The following MALRD1 variants were observed in gnomAD, a reference collection of about 807,000 sequenced individuals.
The protein encoded by MALRD1 is MAM and LDL-receptor class A domain-containing protein 1.
MALRD1 carries 247 observed loss-of-function variants against 242.1 expected under a neutral mutation model. That is an observed-to-expected ratio of 1.02 (90% CI 0.92 to 1.13). MALRD1 has a LOEUF of 1.13. Ranked by LOEUF, MALRD1 falls within the 50% of genes most tolerant of loss-of-function variation. The probability of loss-of-function intolerance (pLI) is 0.00; values close to 1 mark genes in which losing one functional copy is unlikely to be tolerated. For missense variants in MALRD1, 2,989 were observed against 2,533.1 expected (o/e 1.18, Z -3.86); for synonymous variants, 995 against 866.6 (o/e 1.15, Z -2.60).
chr10:19,351,822 T>C (rs1026570245), intron 25 of MALRD1, among the ~76,000 whole-genome samples, 184 bp from the exon 26 acceptor site: 3 of 152,162 alleles, frequency 2.0e-5, no homozygotes, highest in Non-Finnish European at 4.4e-5. Context: ...CATTGCAACA[T>C]ATGACTCAAG....
At chr10:19,406,724 A>C (rs187684908) in intron 28 of MALRD1, among the ~76,000 whole-genome samples, 1 of 152,280 alleles carries the variant, frequency 6.6e-6, no homozygotes, top group East Asian at 1.9e-4. Context: ...TAAATAAATA[A>C]ATAAATAACA....
chr10:19,503,918 A>G (rs1237817523), intron 31 of MALRD1, among the ~76,000 whole-genome samples: 1 of 152,220 alleles, frequency 6.6e-6, no homozygotes, highest in African/African-American at 2.4e-5. Context: ...AATTAACTAA[A>G]TGTTTGGTAA....
chr10:19,692,651 A>G, intron 38 of MALRD1, 97 bp downstream of exon 38: 1 of 912,146 alleles, frequency 1.1e-6, no homozygotes, highest in South Asian at 1.7e-5. Context: ...TCCATATTAC[A>G]TGCAGGAAAC....
chr10:19,553,698 C>G (rs1835592932), intron 32 of MALRD1, among the ~76,000 whole-genome samples: 1 of 152,032 alleles, frequency 6.6e-6, no homozygotes, highest in Non-Finnish European at 1.5e-5. Context: ...ATTATTCTCC[C>G]TGTAATAAAT....
intron 39 of MALRD1, among the ~76,000 whole-genome samples, chr10:19,731,216 C>G (rs1835282391): frequency 6.6e-6 from 1 of 152,138 alleles, no homozygotes; most frequent in Non-Finnish European, 1.5e-5. Flanking sequence ...GGGCCATTAC[C>G]TGATAACTTA....
chr10:19,499,515 G>C (rs939661065), intron 31 of MALRD1, among the ~76,000 whole-genome samples: 6 of 151,332 alleles, frequency 4.0e-5, no homozygotes, highest in African/African-American at 9.7e-5. Context: ...GATTTCATCT[G>C]CACCATGGGC....
At chr10:19,197,416 C>T (rs1182143947) in intron 14 of MALRD1, among the ~76,000 whole-genome samples, 1 of 152,154 alleles carries the variant, frequency 6.6e-6, no homozygotes, top group Non-Finnish European at 1.5e-5. Flanking sequence ...TAAAACATCC[C>T]AGTTGGTTCC....
intron 26 of MALRD1, among the ~76,000 whole-genome samples, chr10:19,355,125 G>A (rs990238014): frequency 6.6e-6 from 1 of 152,122 alleles, no homozygotes; most frequent in Non-Finnish European, 1.5e-5. Context: ...ATATGGTTGT[G>A]AGAGTGCTGT....
intron 28 of MALRD1, among the ~76,000 whole-genome samples, chr10:19,427,067 T>C (rs1564330082): frequency 6.6e-6 from 1 of 152,228 alleles, no homozygotes; most frequent in Non-Finnish European, 1.5e-5. Flanking sequence ...ATGAATTTTC[T>C]CTTAACCAGT....
At chr10:19,138,160 T>A (rs1833415285) in intron 10 of MALRD1, among the ~76,000 whole-genome samples, 1 of 21,350 alleles carries the variant, frequency 4.7e-5, no homozygotes, top group Non-Finnish European at 7.0e-5. Context: ...CAGTTAATAC[T>A]TCAGCTTTAA....
intron 4 of MALRD1, among the ~76,000 whole-genome samples, chr10:19,099,159 A>G (rs1233080636): frequency 1.3e-5 from 2 of 152,146 alleles, no homozygotes; most frequent in Non-Finnish European, 2.9e-5. Context: ...TATTGGCACA[A>G]CTGCCGGCAT....
intron 38 of MALRD1, among the ~76,000 whole-genome samples, chr10:19,723,549 T>A (rs1834872433): frequency 6.6e-6 from 1 of 152,040 alleles, no homozygotes; most frequent in Non-Finnish European, 1.5e-5. Flanking sequence ...AAGACCAGAC[T>A]GGACAATATA....
intron 28 of MALRD1, among the ~76,000 whole-genome samples, chr10:19,393,506 T>C (rs1472695462): frequency 7.1e-6 from 1 of 141,798 alleles, no homozygotes; most frequent in Admixed American, 7.6e-5. Flanking sequence ...AGTGCAGTGG[T>C]GTGATCTCGG....
At chr10:19,268,425 A>T (rs1294609671) in intron 19 of MALRD1, among the ~76,000 whole-genome samples, 3 of 152,168 alleles carry the variant, frequency 2.0e-5, no homozygotes, top group Admixed American at 6.5e-5. Flanking sequence ...GTATAACTCC[A>T]AGTTATTGTA....
intron 38 of MALRD1, among the ~76,000 whole-genome samples, chr10:19,713,479 C>T (rs185733151): frequency 5.3e-5 from 8 of 152,302 alleles, no homozygotes; most frequent in African/African-American, 1.9e-4. Flanking sequence ...CTTCAAGAGA[C>T]ATGAATGTAA....
At chr10:19,193,195 G>T (rs1440112366) in intron 14 of MALRD1, among the ~76,000 whole-genome samples, 8 of 152,174 alleles carry the variant, frequency 5.3e-5, no homozygotes, top group African/African-American at 7.2e-5. Context: ...CAATATAATT[G>T]TAAGAGGGAA....
intron 38 of MALRD1, among the ~76,000 whole-genome samples, chr10:19,695,061 G>A (rs888082020): frequency 2.0e-5 from 3 of 152,194 alleles, no homozygotes; most frequent in South Asian, 2.1e-4. Context: ...ATCACACACC[G>A]GGGCCTGTCA....
intron 2 of MALRD1, 102 bp from the exon 3 acceptor site, chr10:19,087,738 T>G: frequency 6.2e-6 from 3 of 485,668 alleles, no homozygotes; most frequent in Non-Finnish European, 6.6e-6. Flanking sequence ...GAATGTACAG[T>G]GAAATTATTA....
At chr10:19,165,835 A>T in intron 13 of MALRD1, 25 bp downstream of exon 13, 1 of 1,229,566 alleles carries the variant, frequency 8.1e-7, no homozygotes, top group South Asian at 4.1e-5. Context: ...AATTAATACA[A>T]CTCAACAGAA....
Sources: gnomAD v4.1 joint callset for allele counts (sites outside exome capture counted in the v4.1 genomes callset) on GRCh38, gnomAD v4.1.1 for gene constraint, MANE v1.5 for transcripts, NCBI Gene and HGNC (gene_info 2026-07-23, HGNC 2026-07-21) for gene names.